The following ADSL variants were observed in gnomAD, a reference collection of about 807,000 sequenced individuals.
The protein encoded by ADSL is adenylosuccinate lyase.
Under a neutral mutation model 62.1 loss-of-function variants are expected in ADSL, and 44 were observed. That is an observed-to-expected ratio of 0.71 (90% CI 0.56 to 0.91). The LOEUF (loss-of-function observed/expected upper bound fraction) is 0.91. ADSL is among the 40% of genes least tolerant of loss of function. The probability of loss-of-function intolerance (pLI) is 0.00; values close to 1 mark genes in which losing one functional copy is unlikely to be tolerated. For missense variants in ADSL, 531 were observed against 627.4 expected (o/e 0.85, Z 1.64); for synonymous variants, 198 against 220.5 (o/e 0.90, Z 0.90).
At chr22:40,385,015 GAGAA>G (rs1248314239) in intron 2 of ADSL, among the ~76,000 whole-genome samples, 1 of 152,184 alleles carries the variant, frequency 6.6e-6, no homozygotes, top group East Asian at 1.9e-4. Context: ...TGGGGGTCTG[GAGAA>G]AGAAGAGGCA....
chr22:40,350,248 C>G, intron 2 of ADSL: 1 of 522,348 alleles, frequency 1.9e-6, no homozygotes, highest in East Asian at 3.5e-5. Flanking sequence ...CTCAGCCTCC[C>G]GAGTAGCTGG....
At chr22:40,377,249 T>G (rs530821006) in intron 2 of ADSL, among the ~76,000 whole-genome samples, 3 of 152,200 alleles carry the variant, frequency 2.0e-5, no homozygotes, top group Non-Finnish European at 2.9e-5. Flanking sequence ...GTTAGGCAAA[T>G]AGATGCTTTC....
intron 7 of ADSL, among the ~76,000 whole-genome samples, chr22:40,360,726 C>CTTT (rs11431892): frequency 6.8e-6 from 1 of 147,580 alleles, no homozygotes. Context: ...TTAAATTAAT[C>CTTT]TTTTTTTTTT....
At chr22:40,353,263 G>A (rs191381408) in intron 3 of ADSL, 146 bp downstream of exon 3, 1 of 726,290 alleles carries the variant, frequency 1.4e-6, no homozygotes, top group East Asian at 2.6e-5. Context: ...TTAATCTGTA[G>A]AACTAATTGT....
At chr22:40,364,418 C>T (rs1268550341) in intron 11 of ADSL, 53 bp downstream of exon 11, 4 of 1,476,386 alleles carry the variant, frequency 2.7e-6, no homozygotes, top group Non-Finnish European at 3.8e-6. Context: ...TTTGGTCCTG[C>T]TCTCTTCTCC....
chr22:40,371,060 C>G (rs566790391), downstream of ADSL, among the ~76,000 whole-genome samples: 85 of 152,346 alleles, frequency 5.6e-4, no homozygotes, highest in African/African-American at 1.9e-3. Flanking sequence ...CTGGCTGGCT[C>G]TGGCACCGGG....
chr22:40,375,555 G>A (rs1016900797), intron 2 of ADSL, among the ~76,000 whole-genome samples: 52 of 151,536 alleles, frequency 3.4e-4, no homozygotes, highest in African/African-American at 1.0e-3. Flanking sequence ...ACTCCAGCCT[G>A]GGTGACAAGA....
At chr22:40,351,999 T>A (rs918695800) in intron 2 of ADSL, 1 of 152,182 alleles carries the variant, frequency 6.6e-6, no homozygotes, top group African/African-American at 2.4e-5. Flanking sequence ...TAAAGGCATC[T>A]TTGTGTAACT....
chr22:40,357,145 C>T (rs945177253), intron 4 of ADSL, among the ~76,000 whole-genome samples: 2 of 152,108 alleles, frequency 1.3e-5, no homozygotes, highest in African/African-American at 4.8e-5. Flanking sequence ...ATCCACCTGC[C>T]TCGGCCTCCC....
In ADSL at chr22:40,365,028, C is replaced by A; in HGVS notation, c.1340C>A (p.Ser447Tyr). The change falls in exon 12 of 13, where the codon TCT becomes TAT. Residue 447 changes from serine (S) to tyrosine (Y), a missense_variant. Physicochemically the swap from Ser to Tyr is moderately radical, Grantham distance 144 (BLOSUM62 -2). Transcript: ENST00000623063. The part of the protein sequence containing the change: ...HSQLDHLLDP[S>Y]SFTGRASQQV... ...CAGTTGGATCATTTACTGGATCCTT[C>A]TTCTTTCACTGGTCGTGCCTCCCAG... 6.2e-7 allele frequency: 1 copy of A among 1,614,066 alleles called. No homozygotes were observed. The highest frequency in any genetic ancestry group is 8.5e-7 in the Non-Finnish European group (1 of 1,180,000).
chr22:40,353,286 T>C (rs1268614219), intron 3 of ADSL, 169 bp downstream of exon 3: 2 of 710,000 alleles, frequency 2.8e-6, no homozygotes, highest in Non-Finnish European at 5.2e-6. Context: ...CTTCTTCTCC[T>C]TTCTTCTTCT....
chr22:40,372,122 C>CTTTTTT (rs58396730), downstream of ADSL, among the ~76,000 whole-genome samples: 5 of 65,210 alleles, frequency 7.7e-5, no homozygotes, highest in Admixed American at 2.4e-4. Flanking sequence ...TCCCCCCCCC[C>CTTTTTT]TTTTTTTTTT....
chr22:40,356,304 A>T (rs2044554089), intron 4 of ADSL, among the ~76,000 whole-genome samples: 1 of 151,960 alleles, frequency 6.6e-6, no homozygotes, highest in African/African-American at 2.4e-5. Flanking sequence ...TGGGAGGCCG[A>T]GGCAGGTGGA....
At chr22:40,376,639 C>CCTAT (rs2146758303) in intron 2 of ADSL, 1 of 152,158 alleles carries the variant, frequency 6.6e-6, no homozygotes, top group Non-Finnish European at 1.5e-5. Context: ...TCACATCAAC[C>CCTAT]CTATGTATTG....
intron 4 of ADSL, among the ~76,000 whole-genome samples, chr22:40,358,590 A>G (rs2044654552): frequency 6.6e-6 from 1 of 152,206 alleles, no homozygotes; most frequent in Non-Finnish European, 1.5e-5. Context: ...TCTAGAAATA[A>G]TAATAATTTA....
intron 9 of ADSL, among the ~76,000 whole-genome samples, chr22:40,362,208 T>C (rs1375689667): frequency 6.6e-6 from 1 of 152,260 alleles, no homozygotes; most frequent in Non-Finnish European, 1.5e-5. Flanking sequence ...TTCTGTTTTA[T>C]GTATATACTC....
chr22:40,357,945 G>C (rs1045541959), intron 4 of ADSL, among the ~76,000 whole-genome samples: 1 of 151,858 alleles, frequency 6.6e-6, no homozygotes, highest in South Asian at 2.1e-4. Flanking sequence ...TTAATTTTTT[G>C]TATTTTTAGT....
At chr22:40,363,729 T>A (rs1001696580) in intron 10 of ADSL, among the ~76,000 whole-genome samples, 1 of 131,974 alleles carries the variant, frequency 7.6e-6, no homozygotes, top group Non-Finnish European at 1.6e-5. Flanking sequence ...AGAACGAAAC[T>A]CCATCTCAAA....
chr22:40,370,401 C>T (rs1340456542), downstream of ADSL, among the ~76,000 whole-genome samples: 1 of 151,984 alleles, frequency 6.6e-6, no homozygotes, highest in Non-Finnish European at 1.5e-5. Context: ...CAGCGTCTAT[C>T]TCCCACCACC....
Sources: gnomAD v4.1 joint callset for allele counts (sites outside exome capture counted in the v4.1 genomes callset) on GRCh38, gnomAD v4.1.1 for gene constraint, MANE v1.5 for transcripts, NCBI Gene and HGNC (gene_info 2026-07-23, HGNC 2026-07-21) for gene names.